SLC25A13: variants seen among roughly 807,000 people sequenced by gnomAD.
SLC25A13 encodes solute carrier family 25 member 13, also known as electrogenic aspartate/glutamate antiporter SLC25A13, mitochondrial.
A neutral mutation model predicts 85.5 loss-of-function variants in SLC25A13; 70 were observed. The ratio of observed to expected loss-of-function variants is 0.82; its 90% CI spans 0.68 to 1.00. SLC25A13 has a LOEUF of 1.00. Among genes scored for constraint, SLC25A13 ranks in the 50% least tolerant of loss-of-function variants. The pLI is 0.00. For synonymous variants in SLC25A13, 259 were observed against 288.7 expected (o/e 0.90, Z 1.04); for missense variants, 765 against 819.8 (o/e 0.93, Z 0.82).
chr7:96,241,037 G>GGAAAGAAGGAAA (rs1554363753), intron 3 of SLC25A13, among the ~76,000 whole-genome samples: 1 of 80,674 alleles, frequency 1.2e-5, no homozygotes, highest in African/African-American at 5.0e-5. Context: ...AAGAAAGAAA[G>GGAAAGAAGGAAA]GAAAGAAAGA....
chr7:96,317,029 G>A (rs1042986758), intron 1 of SLC25A13, among the ~76,000 whole-genome samples: 10 of 152,088 alleles, frequency 6.6e-5, no homozygotes, highest in Admixed American at 5.9e-4. Context: ...GAGTGCAATG[G>A]CACGACGTCA....
chr7:96,230,771 C>CCCT (rs1233631589), intron 4 of SLC25A13, among the ~76,000 whole-genome samples: 1 of 152,132 alleles, frequency 6.6e-6, no homozygotes, highest in Admixed American at 6.5e-5. Flanking sequence ...GAAACTGGAC[C>CCCT]CCTTCCTTAC....
At chr7:96,306,234 T>C (rs1317885240) in intron 1 of SLC25A13, among the ~76,000 whole-genome samples, 12 of 152,206 alleles carry the variant, frequency 7.9e-5, no homozygotes, top group South Asian at 2.1e-4. Context: ...AAGCACAGTA[T>C]TGAGCAGGCA....
Position 96,205,160 on chromosome 7 carries a change from G to A in SLC25A13, c.468+3678C>T, listed in dbSNP as rs769378654. On this transcript the variant is annotated intron_variant, in intron 5 of 17. Coordinates refer to ENST00000265631, the MANE Select transcript of SLC25A13 (RefSeq NM_014251.3). The stretch of plus-strand genomic sequence containing the variant: ...CCTGACCTCATGATCCACCCGCCTC[G>A]GCCTCCCAAAGTACTGGGATTACAG... Among the ~76,000 whole-genome samples, 314 of 152,082 alleles carry A rather than the reference G, an allele frequency of 2.1e-3. 4 individuals carry two copies. Among genetic ancestry groups the A allele is most frequent in the Non-Finnish European group, 3.0e-3 (204 of 67,974 alleles).
In SLC25A13 at chr7:96,121,694, T is replaced by C; in HGVS notation, c.1802A>G (p.Glu601Gly). 6.2e-7 allele frequency: 1 copy of C among 1,614,204 alleles called. No individual in the cohort carries two copies. The highest frequency in any genetic ancestry group is 8.5e-7 in the Non-Finnish European group (1 of 1,180,046). ...AATGTAGAACCATCGCTGTAGCAAT[T>C]CGTAAGTCAGCAAAGTTACACCAAA... Reference protein sequence around the residue: ...PQFGVTLLTYELLQRWFYIDF... With the variant: ...PQFGVTLLTYGLLQRWFYIDF... The change falls in exon 17 of 18, where the codon GAA becomes GGA. Residue 601 changes from glutamate (E) to glycine (G), a missense_variant. By Grantham distance (98) the Glu-to-Gly change is moderately conservative. Coordinates refer to ENST00000265631, the MANE Select transcript of SLC25A13 (RefSeq NM_014251.3).
chr7:96,125,514 C>T (rs913388292), intron 15 of SLC25A13, among the ~76,000 whole-genome samples: 1 of 152,164 alleles, frequency 6.6e-6, no homozygotes, highest in African/African-American at 2.4e-5. Flanking sequence ...TGCCCAGGAA[C>T]ATAATTACGA....
At chr7:96,145,929 G>GT (rs1002402974) in intron 14 of SLC25A13, among the ~76,000 whole-genome samples, 5 of 151,952 alleles carry the variant, frequency 3.3e-5, no homozygotes, top group African/African-American at 1.2e-4. Flanking sequence ...AGCGTAAAAT[G>GT]TTTTTTTAAA....
intron 3 of SLC25A13, among the ~76,000 whole-genome samples, chr7:96,274,110 C>A (rs1391058098): frequency 6.6e-6 from 1 of 152,000 alleles, no homozygotes; most frequent in African/African-American, 2.4e-5. Flanking sequence ...TCCAACAATC[C>A]TCCAGAATAC....
intron 14 of SLC25A13, among the ~76,000 whole-genome samples, chr7:96,141,365 A>G (rs953493283): frequency 6.6e-6 from 1 of 152,054 alleles, no homozygotes; most frequent in African/African-American, 2.4e-5. Flanking sequence ...TACCCAATAT[A>G]CTGTGAGCAG....
chr7:96,257,120 T>C (rs1304151137), intron 3 of SLC25A13, among the ~76,000 whole-genome samples: 2 of 152,136 alleles, frequency 1.3e-5, no homozygotes, highest in African/African-American at 4.8e-5. Context: ...GCGGGAAAGA[T>C]CTAAAATTGA....
intron 5 of SLC25A13, among the ~76,000 whole-genome samples, chr7:96,197,592 T>C (rs1795109426): frequency 6.6e-6 from 1 of 152,118 alleles, no homozygotes; most frequent in Non-Finnish European, 1.5e-5. Flanking sequence ...AAATCAAAGC[T>C]CCTGGTTTGC....
At chr7:96,156,171 T>C (rs955542618) in intron 13 of SLC25A13, among the ~76,000 whole-genome samples, 2 of 152,248 alleles carry the variant, frequency 1.3e-5, no homozygotes, top group Non-Finnish European at 2.9e-5. Flanking sequence ...AGAGATGTTT[T>C]TGTAGGTACA....
intron 15 of SLC25A13, among the ~76,000 whole-genome samples, chr7:96,130,586 T>C (rs1056550484): frequency 6.6e-6 from 1 of 152,186 alleles, no homozygotes; most frequent in South Asian, 2.1e-4. Flanking sequence ...AGTAAATAAT[T>C]TGAAATAAAT....
chr7:96,261,195 C>T (rs997852068), intron 3 of SLC25A13, among the ~76,000 whole-genome samples: 2 of 152,150 alleles, frequency 1.3e-5, no homozygotes, highest in Admixed American at 6.6e-5. Flanking sequence ...GAGATCTTCC[C>T]TGACCACTTT....
intron 9 of SLC25A13, among the ~76,000 whole-genome samples, chr7:96,187,418 T>C (rs1401734045): frequency 6.6e-6 from 1 of 152,234 alleles, no homozygotes; most frequent in African/African-American, 2.4e-5. Flanking sequence ...CTCTTTAAGA[T>C]ACAAAACATT....
At chr7:96,139,102 G>A (rs7778596) in intron 14 of SLC25A13, among the ~76,000 whole-genome samples, 74,111 of 152,022 alleles carry the variant, frequency 0.49, 19,146 homozygotes, top group African/African-American at 0.67. Flanking sequence ...ACTCTATCCT[G>A]TATGCTTTAC....
chr7:96,292,152 C>T (rs1799151127), intron 2 of SLC25A13, among the ~76,000 whole-genome samples: 1 of 152,100 alleles, frequency 6.6e-6, no homozygotes, highest in African/African-American at 2.4e-5. Flanking sequence ...AGTAATCCAG[C>T]ATATAAACAG....
At chr7:96,148,013 G>C (rs1792874457) in intron 13 of SLC25A13, among the ~76,000 whole-genome samples, 1 of 151,602 alleles carries the variant, frequency 6.6e-6, no homozygotes. Context: ...CCTATACACA[G>C]TTTACCTAAT....
intron 5 of SLC25A13, among the ~76,000 whole-genome samples, chr7:96,193,390 G>A (rs561702587): frequency 1.3e-5 from 2 of 152,244 alleles, no homozygotes; most frequent in South Asian, 2.1e-4. Context: ...TTGAGAAAGT[G>A]CACTCTACCT....
Sources: allele counts gnomAD v4.1 joint callset (sites outside exome capture counted in the v4.1 genomes callset), GRCh38; gene constraint gnomAD v4.1.1; transcripts MANE v1.5; gene names NCBI Gene and HGNC (gene_info 2026-07-23, HGNC 2026-07-21).